Variants in MUC5B observed in about 807,000 individuals in gnomAD.
The protein encoded by MUC5B is mucin 5B, oligomeric mucus/gel-forming.
MUC5B carries 116 observed loss-of-function variants against 376.9 expected under a neutral mutation model. The ratio of observed to expected loss-of-function variants is 0.31; its 90% CI spans 0.26 to 0.36. The LOEUF is 0.36. Among genes scored for constraint, MUC5B ranks in the 10% least tolerant of loss-of-function variants. MUC5B has a pLI of 1.00. For missense variants in MUC5B, 7,165 were observed against 7,769.9 expected, an observed-to-expected ratio of 0.92 and a Z score of 2.93; for synonymous variants, 3,517 against 3,390.9, an observed-to-expected ratio of 1.04 and a Z score of -1.29.
chr11:1,241,599 C>T lies in MUC5B; in HGVS notation c.4719C>T (p.Gly1573=), dbSNP rs370365064. The T allele has an allele frequency of 3.7e-6, 6 of 1,612,344 alleles. No homozygotes were observed. The Admixed American group carries it at 6.7e-5, about 18-fold the overall frequency. ...AGGTGCACTGTGACGTCCACTTCGG[C>T]CTGGTGTGCAGGAACTGGGAGCAGG... The part of the protein sequence containing the change: ...GQKVHCDVHF[G]LVCRNWEQEG... Residue 1573 remains glycine (G), a synonymous_variant, in exon 31 of 49, where the codon GGC becomes GGT. Transcript: ENST00000529681.
rs1232268151 is a variant in MUC5B, at chr11:1,233,107, C to T, written c.2160C>T (p.Val720=). ...GCCGCGGCCTGAGTGAGGCCGACGT[C>T]ACCTGCAGCGTTTCCTTCGTGCCTG... ...PTCRGLSEAD[V]TCSVSFVPVD... Residue 720 remains valine (V), a synonymous_variant, in exon 18 of 49, where the codon GTC becomes GTT. Coordinates refer to ENST00000529681, the MANE Select transcript of MUC5B (RefSeq NM_002458.3). The T allele has an allele frequency of 1.3e-5, 21 of 1,608,052 alleles. No individual in the cohort carries two copies. Among genetic ancestry groups the T allele is most frequent in the Non-Finnish European group, 1.6e-5 (19 of 1,179,486 alleles).
chr11:1,242,540 G>A lies in MUC5B; in HGVS notation c.5660G>A (p.Ser1887Asn), dbSNP rs193053601. Residue 1887 changes from serine to asparagine, a missense_variant, in exon 31 of 49, where the codon AGT (serine) becomes AAT (asparagine). Ser to Asn is a conservative substitution (Grantham distance 46). Transcript: ENST00000529681. ...TGTGACGACTACAGCCACTGCCCCA[G>A]TACCCCAGCCACCAGCTCCACGGCC... is the stretch of plus-strand genomic sequence containing the variant. ...LCCDDYSHCP[S>N]TPATSSTATP... is the part of the protein sequence containing the mutation. The A allele has an allele frequency of 6.8e-6, 11 of 1,613,772 alleles. No homozygotes were observed. Among genetic ancestry groups the A allele is most frequent in the Non-Finnish European group, 6.8e-6 (8 of 1,179,788 alleles).
At position 1,242,755 on chromosome 11, in the gene MUC5B, C is replaced by T. The variant is rs756736057; in HGVS notation, c.5875C>T (p.Pro1959Ser). 6 of 1,613,508 alleles carry T rather than the reference C, an allele frequency of 3.7e-6. No individual in the cohort carries two copies. The highest frequency in any genetic ancestry group is 3.3e-5 in the South Asian group (3 of 91,076). Residue 1959 changes from proline (P) to serine (S), a missense_variant, in exon 31 of 49, where the codon CCA (proline) becomes TCA (serine). By Grantham distance (74) the Pro-to-Ser change is moderately conservative (BLOSUM62 -1). Transcript: ENST00000529681. ...CTCCAAAGCCACTCCCTCCTCCAGT[C>T]CAGGGACTGCAACCGCCCTTCCAGC... ...TSSKATPSSSPGTATALPALR... is the reference protein window; with the variant it reads ...TSSKATPSSSSGTATALPALR...
At position 1,246,778 on chromosome 11, in the gene MUC5B, C is replaced by T; in HGVS notation, c.9898C>T (p.Pro3300Ser). The T allele has an allele frequency of 1.2e-6, 2 of 1,610,970 alleles. No individual in the cohort carries two copies. Among genetic ancestry groups the T allele is most frequent in the Non-Finnish European group, 8.5e-7 (1 of 1,178,282 alleles). Residue 3300 changes from proline (P) to serine (S), a missense_variant, in exon 31 of 49, where the codon CCA becomes TCA. Pro to Ser is a moderately conservative substitution (Grantham distance 74, BLOSUM62 -1). Around this residue, in one of 31 missense-constraint regions of MUC5B, gnomAD observed 939 missense variants for 770.6 expected, o/e 1.22. Coordinates refer to ENST00000529681, the MANE Select transcript of MUC5B (RefSeq NM_002458.3). ...CTCTGTGGCCACCCCCTCCTCCACC[C>T]CAGGAACAGCTCACACTACCAAAGT... is the stretch of plus-strand genomic sequence containing the variant. ...TGSVATPSST[P>S]GTAHTTKVPT...
Position 1,250,830 on chromosome 11 carries a change from A to C in MUC5B, c.13950A>C (p.Arg4650Ser). The change falls in exon 31 of 49, where the codon AGA becomes AGC. Residue 4650 changes from arginine (R) to serine (S), a missense_variant. This residue lies in a region of MUC5B where 730 missense variants were observed against 592.7 expected (regional missense o/e 1.23). Coordinates refer to ENST00000529681, the MANE Select transcript of MUC5B (RefSeq NM_002458.3). Reference sequence around the variant, plus strand: ...TCCCGGGGACCACCCACACCGCCAGAGTGCTGACCACCACCACCACAACTG... The same window carrying C: ...TCCCGGGGACCACCCACACCGCCAGCGTGCTGACCACCACCACCACAACTG... ...SSIPGTTHTA[R>S]VLTTTTTTVA... The C allele has an allele frequency of 6.2e-7, 1 of 1,612,732 alleles. No individual in the cohort carries two copies. The highest frequency in any genetic ancestry group is 1.3e-5 in the African/African-American group (1 of 74,900).
Position 1,251,565 on chromosome 11 carries a change from C to T in MUC5B, c.14685C>T (p.Pro4895=), listed in dbSNP as rs781337535. The change falls in exon 31 of 49, where the codon CCC becomes CCT. Residue 4895 remains proline (P), a synonymous_variant. Coordinates refer to ENST00000529681, the MANE Select transcript of MUC5B (RefSeq NM_002458.3). ...TMPTATASTV[P]SSSTVGTTRT... Reference sequence around the variant, plus strand: ...CCACAGCCACTGCCTCCACGGTTCCCAGCTCGTCCACCGTGGGGACCACCC... The same window carrying T: ...CCACAGCCACTGCCTCCACGGTTCCTAGCTCGTCCACCGTGGGGACCACCC... 1.2e-5 allele frequency: 20 copies of T among 1,612,946 alleles called. No homozygotes were observed. The highest frequency in any genetic ancestry group is 1.7e-5 in the Admixed American group (1 of 60,006).
At position 1,246,272 on chromosome 11, in the gene MUC5B, C is replaced by T. The variant is rs141653894; in HGVS notation, c.9392C>T (p.Thr3131Met). 0.049 allele frequency: 79,514 copies of T among 1,612,840 alleles called. 2,260 individuals carry two copies. Among genetic ancestry groups the T allele is most frequent in the Non-Finnish European group, 0.056 (66,466 of 1,179,638 alleles). ...TCCACCCCCTCCTCCACTCCGGGGACGACCTGGATCCTCACAGAGCTGACC... is the reference window on the plus strand; with the variant it reads ...TCCACCCCCTCCTCCACTCCGGGGATGACCTGGATCCTCACAGAGCTGACC... ...SMSTPSSTPG[T>M]TWILTELTTA... The change falls in exon 31 of 49, where the codon ACG becomes ATG. Residue 3131 changes from threonine (T) to methionine (M), a missense_variant. This residue lies in a region of MUC5B where 939 missense variants were observed against 770.6 expected (regional missense o/e 1.22). Transcript: ENST00000529681.
chr11:1,260,128 A>C (rs1862958713), intron 46 of MUC5B, 43 bp downstream of exon 46: 1 of 1,602,944 alleles, frequency 6.2e-7, no homozygotes, highest in African/African-American at 1.3e-5. Context: ...GTCCTTGTCC[A>C]TCAGGGAGGC....
chr11:1,236,671 C>T (rs1862164502), intron 24 of MUC5B, 109 bp downstream of exon 24: 1 of 1,266,362 alleles, frequency 7.9e-7, no homozygotes, highest in Non-Finnish European at 1.1e-6. Context: ...GTGCGTGAGC[C>T]TGGCTGGTGA....
At position 1,236,490 on chromosome 11, in the gene MUC5B, C is replaced by T. The variant is rs772897397; in HGVS notation, c.2985C>T (p.Ile995=). The change falls in exon 24 of 49, where the codon ATC becomes ATT. Residue 995 remains isoleucine (I), a synonymous_variant. Transcript: ENST00000529681. ...KIRYMGIFLV[I]ETHGMAVSWD... is the part of the protein sequence containing the mutation. ...GCTACATGGGGATCTTCCTGGTCATCGAGACCCACGGGATGGCCGTGTCCT... is the reference window on the plus strand; with the variant it reads ...GCTACATGGGGATCTTCCTGGTCATTGAGACCCACGGGATGGCCGTGTCCT... 3.7e-6 allele frequency: 6 copies of T among 1,613,138 alleles called. No homozygotes were observed. Among genetic ancestry groups the T allele is most frequent in the South Asian group, 1.1e-5 (1 of 91,082 alleles).
chr11:1,232,902 ACCTCATGCCCTTGCGAT>A (rs1205019711), intron 17 of MUC5B, 94 bp from the exon 18 acceptor site: 1 of 1,457,130 alleles, frequency 6.9e-7, no homozygotes, highest in Non-Finnish European at 9.1e-7. Flanking sequence ...CCTCGCAAGA[ACCTCATGCCCTTGCGAT>A]CCCCACGTCA....
chr11:1,234,724 G>A lies in MUC5B; in HGVS notation c.2630+44G>A. The A allele has an allele frequency of 2.0e-6, 2 of 1,014,330 alleles. No homozygotes were observed. Among genetic ancestry groups the A allele is most frequent in the Non-Finnish European group, 2.8e-6 (2 of 716,110 alleles). The allele number at this position is 1,014,330 out of a possible 1,614,324, so 62.8% of individuals were successfully genotyped here. A position where few individuals can be genotyped will look rare whatever the true frequency, so the allele number is the denominator to read the frequency against. ...GGAGGCAGCAGGTGGGGAGGGCGGG[G>A]GCGGGGAGGGCAGCGGGTGGGGAGG... On this transcript the variant is annotated intron_variant, in intron 21 of 48. Coordinates refer to ENST00000529681, the MANE Select transcript of MUC5B (RefSeq NM_002458.3). This position sits in a 1 kb window ranked among gnomAD's most constrained non-coding sequence, Gnocchi z 6.3.
In MUC5B at chr11:1,250,967, C is replaced by T. The variant is rs755270702; in HGVS notation, c.14087C>T (p.Pro4696Leu). 9.3e-6 allele frequency: 15 copies of T among 1,611,178 alleles called. No individual in the cohort carries two copies. Among genetic ancestry groups the T allele is most frequent in the Admixed American group, 3.3e-5 (2 of 59,766 alleles). Residue 4696 changes from proline to leucine, a missense_variant, in exon 31 of 49, where the codon CCC (proline) becomes CTC (leucine). Coordinates refer to ENST00000529681, the MANE Select transcript of MUC5B (RefSeq NM_002458.3). ...ACGGCCACCGGCTCCACCACCAACC[C>T]CTCCTCAACTCCAGGGACAACACCC... The part of the protein sequence containing the change: ...TITATGSTTN[P>L]SSTPGTTPIT...
intron 13 of MUC5B, 125 bp downstream of exon 13, chr11:1,231,130 C>T (rs933830382): frequency 2.9e-6 from 3 of 1,017,940 alleles, no homozygotes; most frequent in South Asian, 1.7e-5. Context: ...TCCAGGAGCT[C>T]CCTGTGCTCG....
In MUC5B at chr11:1,247,378, A is replaced by G. The variant is rs2943527; in HGVS notation, c.10498A>G (p.Ser3500Gly). ...VTSHTPAATT[S>G]TTQHSTPALS... ...TTCCCACACCCCAGCAGCAACCACCAGTACCACCCAGCACTCGACTCCAGC... is the reference window on the plus strand; with the variant it reads ...TTCCCACACCCCAGCAGCAACCACCGGTACCACCCAGCACTCGACTCCAGC... The change falls in exon 31 of 49, where the codon AGT (serine) becomes GGT (glycine). Residue 3500 changes from serine to glycine, a missense_variant. Around this residue, in one of 31 missense-constraint regions of MUC5B, gnomAD observed 939 missense variants for 770.6 expected, o/e 1.22. Coordinates refer to ENST00000529681, the MANE Select transcript of MUC5B (RefSeq NM_002458.3). 0.69 allele frequency: 1,073,483 copies of G among 1,554,524 alleles called. 380,150 individuals are homozygous for G. Among genetic ancestry groups the G allele is most frequent in the Admixed American group, 0.71 (41,711 of 59,120 alleles).
chr11:1,251,433 G>C lies in MUC5B; in HGVS notation c.14553G>C (p.Pro4851=), dbSNP rs758020542. ...TPGTTWILTE[P]STIATVMVPT... ...GGACCACCTGGATCCTCACAGAGCC[G>C]AGCACTATAGCCACCGTGATGGTGC... Residue 4851 remains proline, a synonymous_variant, in exon 31 of 49, where the codon CCG becomes CCC. Coordinates refer to ENST00000529681, the MANE Select transcript of MUC5B (RefSeq NM_002458.3). 8.7e-6 allele frequency: 14 copies of C among 1,612,434 alleles called. No individual in the cohort carries two copies. The highest frequency in any genetic ancestry group is 5.3e-5 in the African/African-American group (4 of 74,842).
chr11:1,243,095 C>T lies in MUC5B; in HGVS notation c.6215C>T (p.Thr2072Met), dbSNP rs771277633. The T allele has an allele frequency of 2.3e-5, 37 of 1,610,636 alleles. No homozygotes were observed. Among genetic ancestry groups the T allele is most frequent in the Middle Eastern group, 1.8e-4 (1 of 5,612 alleles). Residue 2072 changes from threonine (T) to methionine (M), a missense_variant, in exon 31 of 49, where the codon ACG (threonine) becomes ATG (methionine). This residue lies in a region of MUC5B where 897 missense variants were observed against 779.6 expected (regional missense o/e 1.15). Transcript: ENST00000529681. The stretch of plus-strand genomic sequence containing the variant: ...TCCTCCAGCCCAGGGACGGCACTCA[C>T]GCCTCCAGTGTGGATCAGCACAACC... ...TPSSSPGTAL[T>M]PPVWISTTTT...
intron 18 of MUC5B, 79 bp downstream of exon 18, chr11:1,233,347 T>TC (rs1862078255): frequency 7.1e-7 from 1 of 1,409,568 alleles, no homozygotes; most frequent in East Asian, 2.5e-5. Context: ...CTTCTGTGCC[T>TC]CCCCCCGAGG....
chr11:1,244,316 G>T lies in MUC5B; in HGVS notation c.7436G>T (p.Gly2479Val), dbSNP rs550294012. 8 of 1,603,200 alleles carry T rather than the reference G, an allele frequency of 5.0e-6. No homozygotes were observed. The African/African-American group carries it at 1.1e-4, about 22-fold the overall frequency. Residue 2479 changes from glycine (G) to valine (V), a missense_variant, in exon 31 of 49, where the codon GGA (glycine) becomes GTA (valine). This residue lies in a region of MUC5B where 194 missense variants were observed against 268.5 expected (regional missense o/e 0.72). Transcript: ENST00000529681. ...ACAGCCACCGTGACGGTGCCCACCG[G>T]ATCCACGGCCACCGCCTCCTCCACC... ...STTATVTVPT[G>V]STATASSTQA... is the part of the protein sequence containing the mutation.
Sources: gnomAD v4.1 joint callset for allele counts on GRCh38, gnomAD v4.1.1 for gene constraint, gnomAD v4.1.1 regional missense constraint, Gnocchi (gnomAD v3.1) non-coding constraint, MANE v1.5 for transcripts, NCBI Gene and HGNC (gene_info 2026-07-23, HGNC 2026-07-21) for gene names.